The following SART3 variants were observed in gnomAD, a reference collection of about 807,000 sequenced individuals.
SART3 encodes the protein HIV-1 Tat-interacting protein of 110kDa.
SART3 carries 44 observed loss-of-function variants against 122.3 expected under a neutral mutation model. That is an observed-to-expected ratio of 0.36 (90% CI 0.28 to 0.46). The LOEUF is 0.46. SART3 is among the 20% of genes least tolerant of loss of function. SART3 has a pLI of 1.00. For missense variants in SART3, 1,101 were observed against 1,229.0 expected, an observed-to-expected ratio of 0.90 and a Z score of 1.56; for synonymous variants, 442 against 454.0, an observed-to-expected ratio of 0.97 and a Z score of 0.34.
chr12:108,552,585 C>T (rs2030056721), intron 1 of SART3, among the ~76,000 whole-genome samples: 1 of 146,510 alleles, frequency 6.8e-6, no homozygotes, highest in African/African-American at 2.6e-5. Flanking sequence ...AATTTAAAGA[C>T]ATAGCACCAT....
At chr12:108,555,226 T>C (rs1478167247) in intron 1 of SART3, among the ~76,000 whole-genome samples, 1 of 152,218 alleles carries the variant, frequency 6.6e-6, no homozygotes, top group African/African-American at 2.4e-5. Flanking sequence ...ATAAAAAAAT[T>C]ACATTTCTAT....
Position 108,524,496 on chromosome 12 carries a change from T to G in SART3, c.2534A>C (p.Tyr845Ser), listed in dbSNP as rs141976625. The change falls in exon 18 of 19, where the codon TAC becomes TCC. Residue 845 changes from tyrosine (Y) to serine (S), a missense_variant. Physicochemically the swap from Tyr to Ser is moderately radical, Grantham distance 144 (BLOSUM62 -2). Transcript: ENST00000546815. ...CTGGGATTCATTTTCATACTCCACGTAGGCCAGGCCCTGGAAGAGGCAAGA... is the reference window on the plus strand; with the variant it reads ...CTGGGATTCATTTTCATACTCCACGGAGGCCAGGCCCTGGAAGAGGCAAGA... Reference protein sequence around the residue: ...NRAGKPKGLAYVEYENESQAS... With the variant: ...NRAGKPKGLASVEYENESQAS... The G allele has an allele frequency of 6.2e-7, 1 of 1,614,180 alleles. No individual in the cohort carries two copies. The highest frequency in any genetic ancestry group is 2.2e-5 in the East Asian group (1 of 44,886).
At chr12:108,559,527 G>A (rs930866416) in intron 1 of SART3, among the ~76,000 whole-genome samples, 3 of 151,904 alleles carry the variant, frequency 2.0e-5, no homozygotes, top group African/African-American at 4.8e-5. Context: ...TCAGCCGGGC[G>A]CAATGGTGCG....
At chr12:108,552,070 C>T (rs1031611428) in intron 1 of SART3, among the ~76,000 whole-genome samples, 1 of 152,036 alleles carries the variant, frequency 6.6e-6, no homozygotes, top group African/African-American at 2.4e-5. Flanking sequence ...TTACTGTAAT[C>T]CAGTGTATCA....
intron 13 of SART3, chr12:108,531,626 T>C (rs1312020386): frequency 3.4e-6 from 1 of 295,368 alleles, no homozygotes; most frequent in African/African-American, 2.2e-5. Context: ...TCTTATTTTT[T>C]GGTGGTCTTT....
At position 108,545,315 on chromosome 12, in the gene SART3, T is replaced by C. The variant is rs1232891231; in HGVS notation, c.553A>G (p.Ile185Val). 10 of 1,614,044 alleles carry C rather than the reference T, an allele frequency of 6.2e-6. No individual in the cohort carries two copies. The highest frequency in any genetic ancestry group is 7.6e-6 in the Non-Finnish European group (9 of 1,180,010). Residue 185 changes from isoleucine (I) to valine (V), a missense_variant, in exon 4 of 19, where the codon ATT becomes GTT. By Grantham distance (29) the Ile-to-Val change is conservative (BLOSUM62 3). Transcript: ENST00000546815. ...KAVKDYICPN[I>V]WLEYGQYSVG... ...GAGTACTGGCCATACTCTAGCCAAA[T>C]GTTAGGACCTAAAAATAAGAAGTGT...
In SART3 at chr12:108,545,321, G is replaced by C. The variant is rs1301073028; in HGVS notation, c.547C>G (p.Pro183Ala). Residue 183 changes from proline to alanine, a missense_variant and splice_region_variant, in exon 4 of 19, where the codon CCT becomes GCT. This residue lies in a region of SART3 where 885 missense variants were observed against 1,080.1 expected (regional missense o/e 0.82). Transcript: ENST00000546815. Reference protein sequence around the residue: ...FEKAVKDYICPNIWLEYGQYS... With the variant: ...FEKAVKDYICANIWLEYGQYS... ...TGGCCATACTCTAGCCAAATGTTAG[G>C]ACCTAAAAATAAGAAGTGTTCAATT... The C allele has an allele frequency of 6.2e-7, 1 of 1,613,846 alleles. No individual in the cohort carries two copies. The highest frequency in any genetic ancestry group is 1.3e-5 in the African/African-American group (1 of 74,856).
intron 7 of SART3, 117 bp downstream of exon 7, chr12:108,538,817 A>C: frequency 4.8e-6 from 6 of 1,261,360 alleles, no homozygotes; most frequent in Non-Finnish European, 6.8e-6. Context: ...GAGGAGAAAA[A>C]GCAGATGGAG....
intron 17 of SART3, 83 bp downstream of exon 17, chr12:108,525,374 G>C: frequency 6.9e-7 from 1 of 1,444,498 alleles, no homozygotes; most frequent in Non-Finnish European, 9.7e-7. Flanking sequence ...ACCCATTCTA[G>C]AGGTTAAATC....
rs559678072 is a variant in SART3 at position 108,545,395 on chromosome 12, G to A, written c.545-72C>T. The stretch of plus-strand genomic sequence containing the variant: ...ATATCAAAACTGATGCATAACAAAC[G>A]AAATGTGCCTACCAAAAAAGTACTC... On this transcript the variant is annotated intron_variant, in intron 3 of 18. Coordinates refer to ENST00000546815, the MANE Select transcript of SART3 (RefSeq NM_014706.4). The A allele has an allele frequency of 1.2e-4, 178 of 1,457,708 alleles. 1 individual carries two copies. The African/African-American group carries it at 2.0e-3, about 16-fold the overall frequency. The allele number at this position is 1,457,708 out of a possible 1,614,324, so 90.3% of individuals were successfully genotyped here.
intron 9 of SART3, 71 bp from the exon 10 acceptor site, chr12:108,536,856 C>T: frequency 1.0e-5 from 14 of 1,394,270 alleles, no homozygotes; most frequent in Non-Finnish European, 1.4e-5. Context: ...TTATCCTATG[C>T]TGAAACTGCC....
At position 108,546,160 on chromosome 12, in the gene SART3, T is replaced by C. The variant is rs148745179; in HGVS notation, c.545-837A>G. ...GCTTCTCACAGGGGGACTGCTCCCA[T>C]TGGGAAATCAACAAGGAAGAGGGTA... On this transcript the variant is annotated intron_variant, in intron 3 of 18. Transcript: ENST00000546815. Among the ~76,000 whole-genome samples, 587 of 152,190 alleles carry C rather than the reference T, an allele frequency of 3.9e-3. 2 individuals are homozygous for C. Among genetic ancestry groups the C allele is most frequent in the Non-Finnish European group, 6.7e-3 (454 of 67,998 alleles).
chr12:108,525,307 G>A, intron 17 of SART3, 150 bp downstream of exon 17: 1 of 774,878 alleles, frequency 1.3e-6, no homozygotes, highest in Non-Finnish European at 2.2e-6. Context: ...TATAAGTAGA[G>A]CTAAGTGCAG....
chr12:108,548,363 C>T lies in SART3; in HGVS notation c.440-372G>A, dbSNP rs557656005. On this transcript the variant is annotated intron_variant, in intron 2 of 18. Coordinates refer to ENST00000546815, the MANE Select transcript of SART3 (RefSeq NM_014706.4). ...TATACGTAGAATAGCTCATCCTATA[C>T]CGTCATACATTACAATGCAGAAACT... 2.0e-5 allele frequency among the ~76,000 whole-genome samples: 3 copies of T among 152,318 alleles called. No individual in the cohort carries two copies. In the East Asian group the frequency reaches 5.8e-4, roughly 29 times the overall value.
intron 12 of SART3, 115 bp from the exon 13 acceptor site, chr12:108,532,449 G>C: frequency 2.5e-6 from 2 of 785,114 alleles, no homozygotes; most frequent in African/African-American, 3.4e-5. Context: ...TAGCTTCTGA[G>C]AAGACCTTAG....
chr12:108,559,272 T>C (rs2030367680), intron 1 of SART3, among the ~76,000 whole-genome samples: 1 of 152,238 alleles, frequency 6.6e-6, no homozygotes, highest in African/African-American at 2.4e-5. Flanking sequence ...TCACATCCAG[T>C]GTGGCATCTA....
At position 108,538,285 on chromosome 12, in the gene SART3, T is replaced by C. The variant is rs1027783570; in HGVS notation, c.1063-82A>G. 85 of 1,482,016 alleles carry C rather than the reference T, an allele frequency of 5.7e-5. 1 individual carries two copies. In the Middle Eastern group the frequency reaches 1.1e-3, roughly 18 times the overall value. 91.8% of individuals were successfully genotyped at this position (1,482,016 alleles called of 1,614,324 possible). ...ACAAGACATTGCCAGCACGACCAAG[T>C]GATGAAAGAAATGTCCTTATAAACA... On this transcript the variant is annotated intron_variant, in intron 7 of 18. Coordinates refer to ENST00000546815, the MANE Select transcript of SART3 (RefSeq NM_014706.4).
chr12:108,523,357 G>A lies in SART3; in HGVS notation c.*100C>T, dbSNP rs1293907186. 35 of 1,279,608 alleles carry A rather than the reference G, an allele frequency of 2.7e-5. No homozygotes were observed. Among genetic ancestry groups the A allele is most frequent in the Non-Finnish European group, 3.5e-5 (31 of 878,064 alleles). The allele number at this position is 1,279,608 out of a possible 1,614,324, so 79.3% of individuals were successfully genotyped here. On this transcript the variant is annotated 3_prime_UTR_variant, in exon 19 of 19. Transcript: ENST00000546815. Reference sequence around the variant, plus strand: ...AGGAGCCATCTGTGGTTGCGAGCACGCAGCACACCAGGCCTGTCCATCCCC... The same window carrying A: ...AGGAGCCATCTGTGGTTGCGAGCACACAGCACACCAGGCCTGTCCATCCCC...
chr12:108,530,376 T>C, intron 14 of SART3, 66 bp from the exon 15 acceptor site: 1 of 1,563,554 alleles, frequency 6.4e-7, no homozygotes, highest in Non-Finnish European at 8.8e-7. Flanking sequence ...TGATTTGTCA[T>C]GAAAGGGGAG....
Sources: gnomAD v4.1 joint callset for allele counts (sites outside exome capture counted in the v4.1 genomes callset) on GRCh38, gnomAD v4.1.1 for gene constraint, gnomAD v4.1.1 regional missense constraint, MANE v1.5 for transcripts, NCBI Gene and HGNC (gene_info 2026-07-23, HGNC 2026-07-21) for gene names.